The following AAK1 variants were observed in gnomAD, a reference collection of about 807,000 sequenced individuals.
AAK1 encodes the protein AP2-associated protein kinase 1.
In AAK1, 37 loss-of-function variants were observed where a neutral mutation model predicts 116.0. The ratio of observed to expected loss-of-function variants is 0.32; its 90% CI spans 0.25 to 0.42. The LOEUF is 0.42. Among genes scored for constraint, AAK1 ranks in the 10% least tolerant of loss-of-function variants. The probability of loss-of-function intolerance (pLI) is 1.00; values close to 1 mark genes in which losing one functional copy is unlikely to be tolerated. For missense variants in AAK1, 919 were observed against 1,170.6 expected (o/e 0.79, Z 3.14); for synonymous variants, 458 against 439.9 (o/e 1.04, Z -0.51).
intron 5 of AAK1, among the ~76,000 whole-genome samples, chr2:69,535,573 A>G (rs746294649): frequency 6.6e-6 from 1 of 152,160 alleles, no homozygotes; most frequent in Non-Finnish European, 1.5e-5. Context: ...GGTGAAGACG[A>G]ATGTTATTTT....
chr2:69,602,662 T>G (rs1322851843), intron 2 of AAK1, among the ~76,000 whole-genome samples: 2 of 152,164 alleles, frequency 1.3e-5, no homozygotes, highest in African/African-American at 4.8e-5. Flanking sequence ...CCTGAGGCGC[T>G]CCTGACCACA....
intron 19 of AAK1, among the ~76,000 whole-genome samples, chr2:69,480,027 T>A (rs954459760): frequency 2.6e-5 from 4 of 152,126 alleles, no homozygotes; most frequent in African/African-American, 9.7e-5. Flanking sequence ...AGTGCTGGGA[T>A]TACAGGTGTG....
chr2:69,604,237 G>A (rs1673700099), intron 2 of AAK1, among the ~76,000 whole-genome samples: 1 of 152,330 alleles, frequency 6.6e-6, no homozygotes, highest in South Asian at 2.1e-4. Flanking sequence ...ACCATTCAAT[G>A]TCAGGCAGCT....
intron 2 of AAK1, among the ~76,000 whole-genome samples, chr2:69,618,279 T>G (rs2105231262): frequency 6.6e-6 from 1 of 151,942 alleles, no homozygotes; most frequent in South Asian, 2.1e-4. Context: ...AATATATAAG[T>G]AAAATACATG....
Position 69,473,936 on chromosome 2 carries a change from T to A in AAK1, c.*1933A>T. Reference sequence around the variant, plus strand: ...AACCACAGAGAGCCCTTCGTGGATATCTTTTGCTTTTTAATCCTCGGCAGG... The same window carrying A: ...AACCACAGAGAGCCCTTCGTGGATAACTTTTGCTTTTTAATCCTCGGCAGG... On this transcript the variant is annotated 3_prime_UTR_variant, in exon 22 of 22. Coordinates refer to ENST00000409085, the MANE Select transcript of AAK1 (RefSeq NM_014911.5). 1.0e-6 allele frequency: 1 copy of A among 985,824 alleles called. No individual in the cohort carries two copies. The highest frequency in any genetic ancestry group is 1.2e-6 in the Non-Finnish European group (1 of 829,942). The allele number at this position is 985,824 out of a possible 1,614,324, so 61.1% of individuals were successfully genotyped here.
At position 69,608,930 on chromosome 2, in the gene AAK1, T is replaced by C. The variant is rs150783100; in HGVS notation, c.163+33948A>G. On this transcript the variant is annotated intron_variant, in intron 2 of 21. Transcript: ENST00000409085. ...CTCAACTAAGGAGATGAAAGACTTG[T>C]ACACCGAAAATGATAAAACAATGCT... 1.9e-3 allele frequency among the ~76,000 whole-genome samples: 290 copies of C among 152,322 alleles called. 1 individual carries two copies. Among genetic ancestry groups the C allele is most frequent in the East Asian group, 0.014 (71 of 5,192 alleles).
intron 10 of AAK1, among the ~76,000 whole-genome samples, chr2:69,522,633 G>A (rs1401787657): frequency 3.3e-5 from 5 of 151,970 alleles, no homozygotes; most frequent in South Asian, 2.1e-4. Flanking sequence ...GCAAAACGCC[G>A]TCTCTACTAA....
Position 69,475,937 on chromosome 2 carries a change from T to G in AAK1, c.2818A>C (p.Ser940Arg). 6.2e-7 allele frequency: 1 copy of G among 1,612,356 alleles called. No individual in the cohort carries two copies. Among genetic ancestry groups the G allele is most frequent in the Non-Finnish European group, 8.5e-7 (1 of 1,179,310 alleles). The change falls in exon 22 of 22, where the codon AGC becomes CGC. Residue 940 changes from serine (S) to arginine (R), a missense_variant. By Grantham distance (110) the Ser-to-Arg change is moderately radical (BLOSUM62 -1). Transcript: ENST00000409085. The part of the protein sequence containing the change: ...QGGHSRNSSG[S>R]SESSLPNLAR... ...AGGTTGGGAAGACTGGACTCAGAGC[T>G]CCCACTGCTGTTTCTAGAGTGCCCA...
In AAK1 at chr2:69,606,887, A is replaced by T. The variant is rs187496993; in HGVS notation, c.163+35991T>A. Among the ~76,000 whole-genome samples, 18 of 152,182 alleles carry T rather than the reference A, an allele frequency of 1.2e-4. No individual in the cohort carries two copies. The East Asian group carries it at 3.1e-3, about 26-fold the overall frequency. On this transcript the variant is annotated intron_variant, in intron 2 of 21. Transcript: ENST00000409085. Reference sequence around the variant, plus strand: ...TCAAGACCAGCCTGGGCAACCAGGTAAAACCCCATCTCTACAAAAAATACA... The same window carrying T: ...TCAAGACCAGCCTGGGCAACCAGGTTAAACCCCATCTCTACAAAAAATACA...
intron 2 of AAK1, among the ~76,000 whole-genome samples, chr2:69,640,971 C>G (rs959103266): frequency 6.6e-6 from 1 of 152,242 alleles, no homozygotes; most frequent in Non-Finnish European, 1.5e-5. Context: ...CAGCACCTGG[C>G]ACTTCACAGG....
intron 5 of AAK1, 82 bp from the exon 6 acceptor site, chr2:69,532,244 A>C (rs947019586): frequency 2.9e-5 from 44 of 1,538,696 alleles, no homozygotes; most frequent in Non-Finnish European, 3.8e-5. Flanking sequence ...TCACATAAAT[A>C]AACGTTTTAT....
chr2:69,503,056 C>T (rs1676038970), intron 16 of AAK1, among the ~76,000 whole-genome samples: 3 of 152,134 alleles, frequency 2.0e-5, no homozygotes, highest in Admixed American at 2.0e-4. Flanking sequence ...CCACAGACAG[C>T]CCTTCAGTAT....
intron 2 of AAK1, among the ~76,000 whole-genome samples, chr2:69,582,410 C>CGT (rs1017950056): frequency 6.6e-6 from 1 of 151,776 alleles, no homozygotes; most frequent in African/African-American, 2.4e-5. Flanking sequence ...TGTGTGTGCG[C>CGT]GTGTGTGTGC....
Position 69,505,748 on chromosome 2 carries a change from G to T in AAK1, c.2165-75C>A, listed in dbSNP as rs1676159405. ...CACACACACATGGCAGAGGTAAGGGGCATTCTCTGAACTGACTTCTGGACT... is the reference window on the plus strand; with the variant it reads ...CACACACACATGGCAGAGGTAAGGGTCATTCTCTGAACTGACTTCTGGACT... On this transcript the variant is annotated intron_variant, in intron 15 of 21. Coordinates refer to ENST00000409085, the MANE Select transcript of AAK1 (RefSeq NM_014911.5). 5 of 1,149,422 alleles carry T rather than the reference G, an allele frequency of 4.4e-6. No individual in the cohort carries two copies. In the Admixed American group the frequency reaches 6.0e-5, roughly 14 times the overall value. The allele number at this position is 1,149,422 out of a possible 1,614,324, so 71.2% of individuals were successfully genotyped here. A position where few individuals can be genotyped will look rare whatever the true frequency, so the allele number is the denominator to read the frequency against.
chr2:69,543,933 T>G (rs2105055578), intron 4 of AAK1, among the ~76,000 whole-genome samples: 1 of 152,328 alleles, frequency 6.6e-6, no homozygotes. Context: ...AACAGCTGCA[T>G]CATTTGAATA....
intron 13 of AAK1, 133 bp from the exon 14 acceptor site, chr2:69,509,593 T>G: frequency 2.8e-6 from 2 of 722,182 alleles, no homozygotes; most frequent in Non-Finnish European, 4.5e-6. Flanking sequence ...ATGGCTAAGT[T>G]TATCAATAAT....
intron 2 of AAK1, among the ~76,000 whole-genome samples, chr2:69,631,504 C>T (rs1349664816): frequency 6.6e-6 from 1 of 152,222 alleles, no homozygotes; most frequent in South Asian, 2.1e-4. Context: ...TCAGTTGGCA[C>T]TGCCATTCCT....
chr2:69,596,366 C>T (rs1673286365), intron 2 of AAK1, among the ~76,000 whole-genome samples: 1 of 151,970 alleles, frequency 6.6e-6, no homozygotes, highest in Admixed American at 6.6e-5. Flanking sequence ...GGATTACAGG[C>T]ACCTGCCACC....
chr2:69,544,116 T>C (rs925828232), intron 4 of AAK1: 4 of 222,244 alleles, frequency 1.8e-5, no homozygotes, highest in Non-Finnish European at 3.6e-5. Flanking sequence ...CCATCTGGAG[T>C]TCAGCCTTTA....
Sources: gnomAD v4.1 joint callset for allele counts (sites outside exome capture counted in the v4.1 genomes callset) on GRCh38, gnomAD v4.1.1 for gene constraint, MANE v1.5 for transcripts, NCBI Gene and HGNC (gene_info 2026-07-23, HGNC 2026-07-21) for gene names.